TTC39B: variants seen among roughly 807,000 people sequenced by gnomAD.
TTC39B encodes the protein tetratricopeptide repeat protein 39B.
A neutral mutation model predicts 96.6 loss-of-function variants in TTC39B; 92 were observed. That is an observed-to-expected ratio of 0.95 (90% confidence interval 0.80 to 1.13). TTC39B has a LOEUF of 1.13. Among genes scored for constraint, TTC39B ranks in the 50% most tolerant of loss-of-function variants. TTC39B has a pLI of 0.00. For missense variants in TTC39B, 955 were observed against 809.3 expected (o/e 1.18, Z -2.18); for synonymous variants, 367 against 299.4 (o/e 1.23, Z -2.33).
At chr9:15,299,521 G>C (rs942742224) in intron 1 of TTC39B, among the ~76,000 whole-genome samples, 1 of 152,132 alleles carries the variant, frequency 6.6e-6, no homozygotes, top group Non-Finnish European at 1.5e-5. Flanking sequence ...ACAGATCCAC[G>C]AAGCACAGGG....
intron 3 of TTC39B, among the ~76,000 whole-genome samples, chr9:15,216,493 C>A (rs1004155863): frequency 6.6e-6 from 1 of 152,140 alleles, no homozygotes; most frequent in Non-Finnish European, 1.5e-5. Flanking sequence ...TGTAAGAATG[C>A]TAGGAGTTCA....
intron 7 of TTC39B, 40 bp downstream of exon 7, chr9:15,203,783 C>G (rs757941187): frequency 1.3e-6 from 2 of 1,566,532 alleles, no homozygotes; most frequent in Non-Finnish European, 8.7e-7. Context: ...CACTGGCAGT[C>G]TTCCCAGCCA....
chr9:15,249,292 A>G (rs768871984), intron 2 of TTC39B: 1 of 152,172 alleles, frequency 6.6e-6, no homozygotes, highest in Non-Finnish European at 1.5e-5. Flanking sequence ...CTGATGCACA[A>G]TTTTAAAAGG....
chr9:15,268,739 C>A (rs751372112), intron 1 of TTC39B, among the ~76,000 whole-genome samples: 10 of 152,210 alleles, frequency 6.6e-5, no homozygotes, highest in Non-Finnish European at 1.3e-4. Flanking sequence ...GCCCAAGCCA[C>A]GAGACCTCCA....
intron 2 of TTC39B, among the ~76,000 whole-genome samples, chr9:15,251,800 C>G (rs1481595412): frequency 6.8e-6 from 1 of 148,084 alleles, no homozygotes; most frequent in African/African-American, 2.5e-5. Context: ...TTAAATTACC[C>G]TTTTCACACA....
intron 2 of TTC39B, among the ~76,000 whole-genome samples, chr9:15,254,075 C>T (rs1480917683): frequency 1.3e-5 from 2 of 151,750 alleles, no homozygotes; most frequent in Admixed American, 1.3e-4. Flanking sequence ...CAAGTCTGTC[C>T]CCTTAAAATA....
At chr9:15,294,908 T>C (rs1184094889) in intron 1 of TTC39B, among the ~76,000 whole-genome samples, 1 of 152,168 alleles carries the variant, frequency 6.6e-6, no homozygotes, top group African/African-American at 2.4e-5. Context: ...TTATCGCCAT[T>C]TCTCTGGTGA....
intron 2 of TTC39B, among the ~76,000 whole-genome samples, chr9:15,252,347 T>A (rs1201246557): frequency 2.0e-5 from 3 of 152,152 alleles, no homozygotes; most frequent in African/African-American, 4.8e-5. Context: ...AACATATCCT[T>A]TAAGAAATTA....
At chr9:15,177,668 C>A in intron 18 of TTC39B, 29 bp downstream of exon 18, 2 of 1,500,948 alleles carry the variant, frequency 1.3e-6, no homozygotes, top group Non-Finnish European at 1.8e-6. Context: ...ACAATTTGCA[C>A]TTGGGCTGGT....
In TTC39B at chr9:15,183,229, G is replaced by T. The variant is rs577592666; in HGVS notation, c.1615-814C>A. 21 of 322,146 alleles carry T rather than the reference G, an allele frequency of 6.5e-5. 1 individual carries two copies. The East Asian group carries it at 2.1e-3, about 32-fold the overall frequency. The allele number at this position is 322,146 out of a possible 1,614,324, so 20.0% of individuals were successfully genotyped here. A position where few individuals can be genotyped will look rare whatever the true frequency, so the allele number is the denominator to read the frequency against. On this transcript the variant is annotated intron_variant, in intron 16 of 19. Coordinates refer to ENST00000512701, the Ensembl canonical transcript of TTC39B. ...CACACTCAAGTAGAATGGCAGCAAA[G>T]GTATCTTTATCTTATGGCACCGAAA...
At chr9:15,268,503 G>A (rs1823220323) in intron 1 of TTC39B, among the ~76,000 whole-genome samples, 1 of 152,042 alleles carries the variant, frequency 6.6e-6, no homozygotes, top group African/African-American at 2.4e-5. Flanking sequence ...TATGCACTCA[G>A]AAGACCACAC....
In TTC39B at chr9:15,233,702, G is replaced by C. The variant is rs1023329666; in HGVS notation, c.276-7690C>G. ...GAGTGCAGTGGCGTGATCTCGGCTC[G>C]CTACAACATCCACCTCCCAGCCGCC... On this transcript the variant is annotated intron_variant, in intron 2 of 19. Coordinates refer to ENST00000512701, the Ensembl canonical transcript of TTC39B. Among the ~76,000 whole-genome samples the C allele has an allele frequency of 2.6e-5, 4 of 152,256 alleles. No individual in the cohort carries two copies. In the East Asian group the frequency reaches 7.7e-4, roughly 29 times the overall value.
chr9:15,182,527 A>G (rs1374120619), intron 16 of TTC39B, 112 bp from the exon 17 acceptor site: 1 of 612,394 alleles, frequency 1.6e-6, no homozygotes, highest in Non-Finnish European at 2.7e-6. Flanking sequence ...ACCTCAGGAC[A>G]ATATTTACAG....
chr9:15,245,416 C>T (rs535067416), intron 2 of TTC39B, among the ~76,000 whole-genome samples: 1 of 152,206 alleles, frequency 6.6e-6, no homozygotes, highest in Admixed American at 6.5e-5. Flanking sequence ...GTGGCTGTTT[C>T]CATAGTTAAT....
rs1821945663 is a variant in TTC39B, at chr9:15,239,565, G to C, written c.276-13553C>G. On this transcript the variant is annotated intron_variant, in intron 2 of 19. Transcript: ENST00000512701. ...ATAAAGAAAATGTGGAATAGATACA[G>C]AATGGAATACTATGTAGCCACAAAA... Among the ~76,000 whole-genome samples, 2 of 152,210 alleles carry C rather than the reference G, an allele frequency of 1.3e-5. 1 individual carries two copies. The highest frequency in any genetic ancestry group is 1.3e-4 in the Admixed American group (2 of 15,290).
chr9:15,274,779 A>T (rs1470014101), intron 1 of TTC39B, among the ~76,000 whole-genome samples: 1 of 152,132 alleles, frequency 6.6e-6, no homozygotes, highest in African/African-American at 2.4e-5. Flanking sequence ...CCAGGCAATA[A>T]TTTTTTTAGA....
intron 10 of TTC39B, among the ~76,000 whole-genome samples, 175 bp downstream of exon 10, chr9:15,191,015 A>G (rs1050262635): frequency 6.6e-6 from 1 of 152,226 alleles, no homozygotes; most frequent in Non-Finnish European, 1.5e-5. Flanking sequence ...TTCATCAGAA[A>G]AACTATGTCT....
At chr9:15,200,929 G>A (rs891824464) in intron 7 of TTC39B, among the ~76,000 whole-genome samples, 3 of 152,194 alleles carry the variant, frequency 2.0e-5, no homozygotes, top group Non-Finnish European at 4.4e-5. Flanking sequence ...AACCTGGGAG[G>A]TGGAGGTTGC....
chr9:15,281,825 T>C (rs886710509), intron 1 of TTC39B, among the ~76,000 whole-genome samples: 3 of 151,950 alleles, frequency 2.0e-5, no homozygotes, highest in Non-Finnish European at 4.4e-5. Context: ...TACAGGCACA[T>C]GCCATGTAGT....
Sources: gnomAD v4.1 joint callset for allele counts (sites outside exome capture counted in the v4.1 genomes callset) on GRCh38, gnomAD v4.1.1 for gene constraint, MANE v1.5 for transcripts, NCBI Gene and HGNC (gene_info 2026-07-23, HGNC 2026-07-21) for gene names.